The following CFAP299 variants were observed in gnomAD, a reference collection of about 807,000 sequenced individuals.
CFAP299 encodes the protein cilia and flagella associated protein 299.
Under a neutral mutation model 27.0 loss-of-function variants are expected in CFAP299, and 21 were observed. The observed-to-expected ratio is 0.78, with a 90% CI of 0.55 to 1.12. The LOEUF (loss-of-function observed/expected upper bound fraction) is 1.12, where lower values mean the gene tolerates loss of function less well. Among genes scored for constraint, CFAP299 ranks in the 50% most tolerant of loss-of-function variants. The probability of loss-of-function intolerance (pLI) is 0.00; values close to 1 mark genes in which losing one functional copy is unlikely to be tolerated. For missense variants in CFAP299, 310 were observed against 276.6 expected (o/e 1.12, Z -0.86); for synonymous variants, 104 against 98.1 (o/e 1.06, Z -0.36).
At chr4:80,350,773 G>A (rs1019821188) in intron 1 of CFAP299, among the ~76,000 whole-genome samples, 2 of 152,028 alleles carry the variant, frequency 1.3e-5, no homozygotes, top group South Asian at 2.1e-4. Flanking sequence ...TTACACACCC[G>A]GGCCTGTTGG....
chr4:80,408,173 T>A (rs1387933859), intron 2 of CFAP299, among the ~76,000 whole-genome samples: 2 of 152,234 alleles, frequency 1.3e-5, no homozygotes. Context: ...ATACATCAGC[T>A]GTAGAGTGTT....
chr4:80,496,744 C>T (rs1477664245), intron 2 of CFAP299, among the ~76,000 whole-genome samples: 1 of 152,056 alleles, frequency 6.6e-6, no homozygotes, highest in Non-Finnish European at 1.5e-5. Context: ...CTGGGTAATT[C>T]ATAAAGAAAA....
chr4:80,944,754 T>G, intron 4 of CFAP299, 56 bp from the exon 5 acceptor site: 2 of 1,318,900 alleles, frequency 1.5e-6, no homozygotes, highest in Non-Finnish European at 2.1e-6. Flanking sequence ...TTAAACTATA[T>G]TTGTCAATTT....
chr4:80,471,970 A>G (rs1203861775), intron 2 of CFAP299, among the ~76,000 whole-genome samples: 3 of 152,204 alleles, frequency 2.0e-5, no homozygotes, highest in Non-Finnish European at 4.4e-5. Flanking sequence ...TTCACTAGCT[A>G]GCACTGTTAG....
At chr4:80,501,548 T>C (rs1731744471) in intron 2 of CFAP299, among the ~76,000 whole-genome samples, 1 of 148,170 alleles carries the variant, frequency 6.7e-6, no homozygotes, top group Admixed American at 6.8e-5. Flanking sequence ...GTAAATATGT[T>C]AAGTATAAAT....
At chr4:80,630,509 T>A (rs959403403) in intron 3 of CFAP299, among the ~76,000 whole-genome samples, 10 of 152,150 alleles carry the variant, frequency 6.6e-5, no homozygotes, top group South Asian at 2.1e-4. Context: ...AGTGTTTTTT[T>A]AATAAATTAT....
At chr4:80,501,534 A>G (rs1230006647) in intron 2 of CFAP299, among the ~76,000 whole-genome samples, 10 of 147,912 alleles carry the variant, frequency 6.8e-5, no homozygotes, top group African/African-American at 2.4e-4. Context: ...ATAAATTTTC[A>G]TATGTAAATA....
chr4:80,581,791 G>A lies in CFAP299; in HGVS notation c.243-1302G>A, dbSNP rs182485809. Among the ~76,000 whole-genome samples, 4 of 151,686 alleles carry A rather than the reference G, an allele frequency of 2.6e-5. No individual in the cohort carries two copies. In the East Asian group the frequency reaches 7.7e-4, roughly 29 times the overall value. On this transcript the variant is annotated intron_variant, in intron 2 of 5. Coordinates refer to ENST00000358105, the MANE Select transcript of CFAP299 (RefSeq NM_152770.3). ...TCCCTGCAGTGTTGCTCTCCTACAG[G>A]CTACCTTTTTCAAAGTTGCTGAATA...
chr4:80,900,266 G>A (rs1283537338), intron 4 of CFAP299, among the ~76,000 whole-genome samples: 1 of 151,510 alleles, frequency 6.6e-6, no homozygotes, highest in African/African-American at 2.4e-5. Context: ...AAAGTGAAAG[G>A]CATTTACATA....
At position 80,934,023 on chromosome 4, in the gene CFAP299, C is replaced by A. The variant is rs1736763059; in HGVS notation, c.477-10787C>A. Among the ~76,000 whole-genome samples, 3 of 152,160 alleles carry A rather than the reference C, an allele frequency of 2.0e-5. 1 individual carries two copies. The South Asian group carries it at 6.2e-4, about 32-fold the overall frequency. The stretch of plus-strand genomic sequence containing the variant: ...CTTGTTCCTAACCTTGGAGAAAAAA[C>A]TTTCGGATTTTCACCGTTTAATATG... On this transcript the variant is annotated intron_variant, in intron 4 of 5. Transcript: ENST00000358105.
intron 2 of CFAP299, among the ~76,000 whole-genome samples, chr4:80,478,255 C>T (rs1730378566): frequency 6.6e-6 from 1 of 152,070 alleles, no homozygotes. Context: ...TTTAGAAACA[C>T]AGAAAAGCTC....
At chr4:80,925,373 C>T (rs572843174) in intron 4 of CFAP299, among the ~76,000 whole-genome samples, 17 of 152,012 alleles carry the variant, frequency 1.1e-4, no homozygotes, top group East Asian at 1.9e-4. Context: ...ACATGATTTA[C>T]GCTACTACAA....
At chr4:80,800,437 A>C (rs1298207149) in intron 3 of CFAP299, among the ~76,000 whole-genome samples, 1 of 60,266 alleles carries the variant, frequency 1.7e-5, no homozygotes, top group African/African-American at 7.2e-5. Context: ...TATAATATAT[A>C]ATATATTGAT....
At chr4:80,913,056 T>G (rs2110204896) in intron 4 of CFAP299, among the ~76,000 whole-genome samples, 1 of 152,304 alleles carries the variant, frequency 6.6e-6, no homozygotes, top group Admixed American at 6.5e-5. Context: ...ATGAGAAATT[T>G]TTTATAAAGG....
chr4:80,805,829 G>A (rs1446154016), intron 3 of CFAP299, among the ~76,000 whole-genome samples: 7 of 152,124 alleles, frequency 4.6e-5, no homozygotes, highest in Non-Finnish European at 1.0e-4. Context: ...AGCCAACATC[G>A]TGCCACTGCA....
intron 3 of CFAP299, among the ~76,000 whole-genome samples, chr4:80,841,991 A>G (rs1333937000): frequency 6.6e-6 from 1 of 152,094 alleles, no homozygotes; most frequent in Non-Finnish European, 1.5e-5. Flanking sequence ...GTGTGTGAGC[A>G]AGGAAAAGAG....
intron 3 of CFAP299, among the ~76,000 whole-genome samples, chr4:80,765,080 T>TATAATAATA (rs377457062): frequency 8.6e-5 from 13 of 151,660 alleles, no homozygotes; most frequent in South Asian, 4.2e-4. Flanking sequence ...TCCCAGAACT[T>TATAATAATA]ATAATAATAA....
chr4:80,792,233 ATCTCTACT>A (rs1727612362), intron 3 of CFAP299, among the ~76,000 whole-genome samples: 1 of 152,102 alleles, frequency 6.6e-6, no homozygotes, highest in Non-Finnish European at 1.5e-5. Context: ...AAAGACAATA[ATCTCTACT>A]TCACATTATT....
chr4:80,348,130 A>G lies in CFAP299; in HGVS notation c.111+12251A>G, dbSNP rs929990735. ...TGAAACTGGATCCCCTCTGTACACC[A>G]TATACAAAAATTAGCTCAAGATTGA... is the stretch of plus-strand genomic sequence containing the variant. On this transcript the variant is annotated intron_variant, in intron 1 of 5. Transcript: ENST00000358105. Among the ~76,000 whole-genome samples, 3 of 152,150 alleles carry G rather than the reference A, an allele frequency of 2.0e-5. No homozygotes were observed. In the South Asian group the frequency reaches 6.2e-4, roughly 32 times the overall value.
Sources: allele counts gnomAD v4.1 joint callset (sites outside exome capture counted in the v4.1 genomes callset), GRCh38; gene constraint gnomAD v4.1.1; transcripts MANE v1.5; gene names NCBI Gene and HGNC (gene_info 2026-07-23, HGNC 2026-07-21).